The following PCDH9 variants were observed in gnomAD, a reference collection of about 807,000 sequenced individuals.
The protein encoded by PCDH9 is protocadherin 9.
Under a neutral mutation model 70.6 loss-of-function variants are expected in PCDH9, and 24 were observed. The ratio of observed to expected loss-of-function variants is 0.34; its 90% CI spans 0.25 to 0.48. The LOEUF (loss-of-function observed/expected upper bound fraction) is 0.48, where lower values mean the gene tolerates loss of function less well. Among genes scored for constraint, PCDH9 ranks in the 20% least tolerant of loss-of-function variants. PCDH9 has a pLI of 0.99. For missense variants in PCDH9, 1,281 were observed against 1,503.6 expected (o/e 0.85, Z 2.45); for synonymous variants, 562 against 558.5 (o/e 1.01, Z -0.09).
At chr13:66,562,282 T>C (rs2076584933) in intron 4 of PCDH9, among the ~76,000 whole-genome samples, 1 of 152,142 alleles carries the variant, frequency 6.6e-6, no homozygotes, top group Non-Finnish European at 1.5e-5. Flanking sequence ...TTTTCTTAGC[T>C]CAGCATGTAG....
At chr13:67,161,172 G>A (rs1275092065) in intron 2 of PCDH9, among the ~76,000 whole-genome samples, 1 of 152,150 alleles carries the variant, frequency 6.6e-6, no homozygotes, top group Non-Finnish European at 1.5e-5. Context: ...AGTCAAAATA[G>A]TTAGACAATT....
chr13:66,787,551 G>A (rs2080099314), intron 3 of PCDH9, among the ~76,000 whole-genome samples: 1 of 151,962 alleles, frequency 6.6e-6, no homozygotes, highest in African/African-American at 2.4e-5. Flanking sequence ...AGAGGACGGA[G>A]GCTGCAGTGA....
chr13:66,470,130 C>T (rs1021352953), intron 4 of PCDH9, among the ~76,000 whole-genome samples: 1 of 152,126 alleles, frequency 6.6e-6, no homozygotes, highest in Non-Finnish European at 1.5e-5. Context: ...ATTGATGCCA[C>T]TTCTATATTA....
chr13:66,420,350 G>A (rs536640468), intron 4 of PCDH9, among the ~76,000 whole-genome samples: 3 of 152,166 alleles, frequency 2.0e-5, no homozygotes, highest in Non-Finnish European at 4.4e-5. Flanking sequence ...CCTCAAGTGG[G>A]TCGCTGACCC....
intron 2 of PCDH9, among the ~76,000 whole-genome samples, chr13:67,080,638 T>C (rs1457873593): frequency 6.6e-6 from 1 of 152,244 alleles, no homozygotes; most frequent in African/African-American, 2.4e-5. Flanking sequence ...CATTAAAGTG[T>C]ATTAGCAAAT....
At position 66,520,681 on chromosome 13, in the gene PCDH9, C is replaced by A. The variant is rs531832343; in HGVS notation, c.3340+110529G>T. Among the ~76,000 whole-genome samples the A allele has an allele frequency of 2.0e-5, 3 of 152,248 alleles. No individual in the cohort carries two copies. In the South Asian group the frequency reaches 6.2e-4, roughly 32 times the overall value. ...TTCTTAACTCTGGACTTTATTTATG[C>A]CTCAGGGCTTATCAAGTCCATAATA... On this transcript the variant is annotated intron_variant, in intron 4 of 4. Transcript: ENST00000377865.
chr13:66,796,582 A>T (rs755715615), intron 3 of PCDH9, among the ~76,000 whole-genome samples: 1 of 152,162 alleles, frequency 6.6e-6, no homozygotes, highest in African/African-American at 2.4e-5. Context: ...AATGTTTCTC[A>T]TTTGATGGGT....
intron 4 of PCDH9, among the ~76,000 whole-genome samples, chr13:66,341,818 A>G (rs939107427): frequency 3.3e-5 from 5 of 152,180 alleles, no homozygotes; most frequent in Non-Finnish European, 7.3e-5. Context: ...GGCAGAACAG[A>G]GGCAGACTGG....
At chr13:66,839,815 C>A (rs1287330354) in intron 3 of PCDH9, among the ~76,000 whole-genome samples, 1 of 152,180 alleles carries the variant, frequency 6.6e-6, no homozygotes, top group Non-Finnish European at 1.5e-5. Context: ...TTATTTTTCA[C>A]TGCCACCCTA....
chr13:66,500,823 ATAT>A (rs1566373244), intron 4 of PCDH9, among the ~76,000 whole-genome samples: 1 of 152,058 alleles, frequency 6.6e-6, no homozygotes, highest in Non-Finnish European at 1.5e-5. Context: ...TAATATTCTA[ATAT>A]TATAATGCCA....
intron 2 of PCDH9, among the ~76,000 whole-genome samples, chr13:67,165,530 C>T (rs1431960648): frequency 6.6e-6 from 1 of 151,898 alleles, no homozygotes; most frequent in Non-Finnish European, 1.5e-5. Context: ...TATAAGTGGT[C>T]AAGACTGTCC....
intron 3 of PCDH9, among the ~76,000 whole-genome samples, chr13:66,697,094 C>T (rs2078573892): frequency 6.6e-6 from 1 of 151,800 alleles, no homozygotes. Flanking sequence ...CAAAACCCTA[C>T]CTCAAAAATA....
At chr13:67,010,404 T>G (rs2084431247) in intron 2 of PCDH9, among the ~76,000 whole-genome samples, 1 of 151,934 alleles carries the variant, frequency 6.6e-6, no homozygotes, top group African/African-American at 2.4e-5. Flanking sequence ...TTCAATCATT[T>G]TTCTTCTCTC....
At chr13:67,121,291 G>A (rs757155031) in intron 2 of PCDH9, among the ~76,000 whole-genome samples, 3 of 152,106 alleles carry the variant, frequency 2.0e-5, no homozygotes, top group Non-Finnish European at 4.4e-5. Flanking sequence ...ATCCTTGCTC[G>A]TAGAAGATCC....
chr13:66,944,934 G>A (rs2083065337), intron 2 of PCDH9, among the ~76,000 whole-genome samples: 1 of 151,160 alleles, frequency 6.6e-6, no homozygotes, highest in South Asian at 2.1e-4. Flanking sequence ...TAAATTCTGA[G>A]TTGATTATTC....
At chr13:66,584,007 C>A (rs2076930254) in intron 4 of PCDH9, among the ~76,000 whole-genome samples, 1 of 152,086 alleles carries the variant, frequency 6.6e-6, no homozygotes, top group Non-Finnish European at 1.5e-5. Flanking sequence ...GTAAAAAGCC[C>A]AAAACCTACG....
At chr13:66,452,509 T>C (rs1958234246) in intron 4 of PCDH9, among the ~76,000 whole-genome samples, 2 of 152,156 alleles carry the variant, frequency 1.3e-5, no homozygotes, top group Admixed American at 6.6e-5. Flanking sequence ...TTCTTTTGAG[T>C]GCTTTGGAAC....
At chr13:66,873,940 C>CTTTTTTTTTTTTTTTTTTTTTTT (rs528441546) in intron 3 of PCDH9, among the ~76,000 whole-genome samples, 2 of 111,130 alleles carry the variant, frequency 1.8e-5, no homozygotes, top group African/African-American at 3.3e-5. Flanking sequence ...TTCTTTCTTT[C>CTTTTTTTTTTTTTTTTTTTTTTT]TTTTTTTTTT....
At chr13:66,730,758 G>A (rs779362060) in intron 3 of PCDH9, among the ~76,000 whole-genome samples, 105 of 149,736 alleles carry the variant, frequency 7.0e-4, no homozygotes, top group South Asian at 1.5e-3. Flanking sequence ...AGCTCACTGC[G>A]TCCTTGACAT....
Sources: gnomAD v4.1 joint callset for allele counts (sites outside exome capture counted in the v4.1 genomes callset) on GRCh38, gnomAD v4.1.1 for gene constraint, MANE v1.5 for transcripts, NCBI Gene and HGNC (gene_info 2026-07-23, HGNC 2026-07-21) for gene names.